Variants in CEP43 observed in about 807,000 individuals in gnomAD.
CEP43 encodes the protein FGFR1 oncogene partner.
A neutral mutation model predicts 52.6 loss-of-function variants in CEP43; 36 were observed. That is an observed-to-expected ratio of 0.68 (90% CI 0.52 to 0.90). CEP43 has a LOEUF of 0.90. Among genes scored for constraint, CEP43 ranks in the 40% least tolerant of loss-of-function variants. The pLI is 0.00. For missense variants in CEP43, 506 were observed against 472.8 expected (o/e 1.07, Z -0.65); for synonymous variants, 192 against 172.4 (o/e 1.11, Z -0.89).
rs771428675 is a variant in CEP43 at position 167,047,546 on chromosome 6, T to C, written c.*7568T>C. The C allele has an allele frequency of 1.3e-5, 2 of 152,206 alleles. No individual in the cohort carries two copies. The highest frequency in any genetic ancestry group is 2.9e-5 in the Non-Finnish European group (2 of 68,040). The allele number at this position is 152,206 out of a possible 1,614,324, so 9.4% of individuals were successfully genotyped here. On this transcript the variant is annotated 3_prime_UTR_variant, in exon 13 of 13. Coordinates refer to ENST00000366847, the MANE Select transcript of CEP43 (RefSeq NM_007045.4). ...CAAGTCACTAGTACTCAGTAAATAC[T>C]ATTTTTATTAAGAAGGTAAGATTCA...
Position 167,046,950 on chromosome 6 carries a change from AG to A in CEP43, c.*6973del, listed in dbSNP as rs377489996. The A allele has an allele frequency of 7.0e-4, 107 of 152,334 alleles. 1 individual carries two copies. The highest frequency in any genetic ancestry group is 3.4e-3 in the Middle Eastern group (1 of 294). 9.4% of individuals were successfully genotyped at this position (152,334 alleles called of 1,614,324 possible). A position where few individuals can be genotyped will look rare whatever the true frequency, so the allele number is the denominator to read the frequency against. ...AGGAAACTCAATCTCTGGGGGTCAG[AG>A]TCCACTTCCTGGGGAGCCCAATCTG... is the stretch of plus-strand genomic sequence containing the variant. On this transcript the variant is annotated 3_prime_UTR_variant, in exon 13 of 13. Transcript: ENST00000366847.
Position 167,018,399 on chromosome 6 carries a change from A to AT in CEP43, c.580-4001dup, listed in dbSNP as rs34828604. Among the ~76,000 whole-genome samples the AT allele has an allele frequency of 4.4e-4, 66 of 150,802 alleles. No homozygotes were observed. In the South Asian group the frequency reaches 0.01, roughly 24 times the overall value. On this transcript the variant is annotated intron_variant, in intron 7 of 12. Coordinates refer to ENST00000366847, the MANE Select transcript of CEP43 (RefSeq NM_007045.4). The stretch of plus-strand genomic sequence containing the variant: ...TGCCATGGTATGTGTGTGTGTGTGT[A>AT]TTTTTTTTTGAGACGGATTCTCGCT...
intron 10 of CEP43, among the ~76,000 whole-genome samples, chr6:167,029,876 T>G (rs147900822): frequency 0.02 from 3,073 of 152,244 alleles, 47 homozygotes; most frequent in East Asian, 0.09. Context: ...AGGGAAGGGG[T>G]TGGATCTTAC....
At chr6:167,021,087 G>GA (rs943169064) in intron 7 of CEP43, among the ~76,000 whole-genome samples, 5 of 126,448 alleles carry the variant, frequency 4.0e-5, no homozygotes, top group Admixed American at 7.9e-5. Context: ...AAAAAAAAAA[G>GA]AAAAAAAAAT....
In CEP43 at chr6:167,041,663, A is replaced by AG. The variant is rs1405901110; in HGVS notation, c.*1686dup. 4 of 1,043,356 alleles carry AG rather than the reference A, an allele frequency of 3.8e-6. No individual in the cohort carries two copies. Among genetic ancestry groups the AG allele is most frequent in the South Asian group, 4.6e-5 (1 of 21,786 alleles). The allele number at this position is 1,043,356 out of a possible 1,614,324, so 64.6% of individuals were successfully genotyped here. A position where few individuals can be genotyped will look rare whatever the true frequency, so the allele number is the denominator to read the frequency against. ...TTTCAGTGAAATGATTTGAAAGCAT[A>AG]GCAGGATGTGGCTTTTTAAATTTAT... On this transcript the variant is annotated 3_prime_UTR_variant, in exon 13 of 13. Coordinates refer to ENST00000366847, the MANE Select transcript of CEP43 (RefSeq NM_007045.4).
rs550643267 is a variant in CEP43, at chr6:167,008,247, T to C, written c.439-2566T>C. Among the ~76,000 whole-genome samples, 8 of 152,252 alleles carry C rather than the reference T, an allele frequency of 5.3e-5. No individual in the cohort carries two copies. The South Asian group carries it at 1.7e-3, about 32-fold the overall frequency. ...CGTTATTCTATCCTCCACTTGGAAT[T>C]ATACTCTTTCCCCTTCCCCAGCTGT... On this transcript the variant is annotated intron_variant, in intron 5 of 12. Coordinates refer to ENST00000366847, the MANE Select transcript of CEP43 (RefSeq NM_007045.4).
chr6:167,006,972 C>G (rs1295361050), intron 5 of CEP43, among the ~76,000 whole-genome samples: 1 of 152,204 alleles, frequency 6.6e-6, no homozygotes, highest in African/African-American at 2.4e-5. Flanking sequence ...GCAAATCCCA[C>G]CTTACTCCCC....
At chr6:167,022,028 A>C (rs1364130271) in intron 7 of CEP43, among the ~76,000 whole-genome samples, 1 of 152,218 alleles carries the variant, frequency 6.6e-6, no homozygotes, top group Non-Finnish European at 1.5e-5. Context: ...ATAACTTATG[A>C]AGCAATGACA....
chr6:167,021,275 T>C (rs1780226453), intron 7 of CEP43, among the ~76,000 whole-genome samples: 1 of 152,226 alleles, frequency 6.6e-6, no homozygotes, highest in African/African-American at 2.4e-5. Context: ...CTTAATAGCA[T>C]AAATATTGAG....
At chr6:167,010,950 C>T (rs1419374308) in intron 6 of CEP43, 57 bp downstream of exon 6, 4 of 953,952 alleles carry the variant, frequency 4.2e-6, no homozygotes, top group Non-Finnish European at 4.8e-6. Flanking sequence ...GAGTGCTCTG[C>T]TTTTCTCTCT....
At position 167,024,882 on chromosome 6, in the gene CEP43, A is replaced by G. The variant is rs746247439; in HGVS notation, c.907A>G (p.Lys303Glu). ...LSSLAGAPSLKDSESKRGNTV... is the reference protein window; with the variant it reads ...LSSLAGAPSLEDSESKRGNTV... The stretch of plus-strand genomic sequence containing the variant: ...CTCCCTGGCGGGAGCCCCTTCTTTA[A>G]AAGACTCTGAGAGTAAGTGCCCAAA... Residue 303 changes from lysine to glutamate, a missense_variant, in exon 9 of 13, where the codon AAA (lysine) becomes GAA (glutamate). By Grantham distance (56) the Lys-to-Glu change is moderately conservative. Transcript: ENST00000366847. The G allele has an allele frequency of 6.3e-7, 1 of 1,599,672 alleles. No individual in the cohort carries two copies. The highest frequency in any genetic ancestry group is 8.6e-7 in the Non-Finnish European group (1 of 1,168,324).
rs762081075 is a variant in CEP43, at chr6:167,045,872, T to G, written c.*5894T>G. ...ACTAGTAGCTTTCTGAAAGGAAAAT[T>G]TTTAATGAATGAAGCATGCTTCATC... is the stretch of plus-strand genomic sequence containing the variant. On this transcript the variant is annotated 3_prime_UTR_variant, in exon 13 of 13. Transcript: ENST00000366847. 4 of 152,234 alleles carry G rather than the reference T, an allele frequency of 2.6e-5. No homozygotes were observed. The highest frequency in any genetic ancestry group is 5.9e-5 in the Non-Finnish European group (4 of 68,074). 9.4% of individuals were successfully genotyped at this position (152,234 alleles called of 1,614,324 possible).
At chr6:167,009,821 G>A (rs1190999808) in intron 5 of CEP43, among the ~76,000 whole-genome samples, 3 of 151,916 alleles carry the variant, frequency 2.0e-5, no homozygotes, top group Non-Finnish European at 2.9e-5. Context: ...GGGTAACAGA[G>A]TGAGACCCTG....
At position 167,049,397 on chromosome 6, in the gene CEP43, T is replaced by G. The variant is rs1166441327; in HGVS notation, c.*9419T>G. 1.3e-5 allele frequency: 2 copies of G among 152,286 alleles called. No individual in the cohort carries two copies. Among genetic ancestry groups the G allele is most frequent in the African/African-American group, 4.8e-5 (2 of 41,482 alleles). The allele number at this position is 152,286 out of a possible 1,614,324, so 9.4% of individuals were successfully genotyped here. A position where few individuals can be genotyped will look rare whatever the true frequency, so the allele number is the denominator to read the frequency against. ...CCGCCATTCCTCTCAGCTCCCTGTC[T>G]GGCAACCACTTCCTGTCTCTTCAGA... On this transcript the variant is annotated 3_prime_UTR_variant, in exon 13 of 13. Transcript: ENST00000366847.
rs894821791 is a variant in CEP43 at position 167,040,178 on chromosome 6, T to C, written c.*200T>C. ...CTATTTGAGCCCATGTGTGGAAGATTTAATATTCTTAATTTAACTGTACAT... is the reference window on the plus strand; with the variant it reads ...CTATTTGAGCCCATGTGTGGAAGATCTAATATTCTTAATTTAACTGTACAT... On this transcript the variant is annotated 3_prime_UTR_variant, in exon 13 of 13. Coordinates refer to ENST00000366847, the MANE Select transcript of CEP43 (RefSeq NM_007045.4). 1.3e-6 allele frequency: 2 copies of C among 1,530,788 alleles called. No homozygotes were observed. The highest frequency in any genetic ancestry group is 1.4e-5 in the African/African-American group (1 of 72,802). The allele number at this position is 1,530,788 out of a possible 1,614,324, so 94.8% of individuals were successfully genotyped here.
chr6:167,015,951 A>G (rs1236137215), intron 7 of CEP43, among the ~76,000 whole-genome samples: 2 of 152,150 alleles, frequency 1.3e-5, no homozygotes, highest in Admixed American at 6.5e-5. Flanking sequence ...GGGCATTTTA[A>G]AAATGAATTA....
In CEP43 at chr6:167,044,826, C is replaced by T. The variant is rs1168584868; in HGVS notation, c.*4848C>T. 3 of 152,570 alleles carry T rather than the reference C, an allele frequency of 2.0e-5. No homozygotes were observed. The highest frequency in any genetic ancestry group is 2.0e-4 in the Admixed American group (3 of 15,298). 9.5% of individuals were successfully genotyped at this position (152,570 alleles called of 1,614,324 possible). On this transcript the variant is annotated 3_prime_UTR_variant, in exon 13 of 13. Transcript: ENST00000366847. ...GCTGTGCTTGGCCACTTCTCTGCCTCTTAGTTTAACAGCAGCACTGGGCAA... is the reference window on the plus strand; with the variant it reads ...GCTGTGCTTGGCCACTTCTCTGCCTTTTAGTTTAACAGCAGCACTGGGCAA...
intron 5 of CEP43, among the ~76,000 whole-genome samples, chr6:167,009,134 G>A (rs1779921389): frequency 2.1e-5 from 1 of 46,946 alleles, no homozygotes; most frequent in Non-Finnish European, 4.2e-5. Flanking sequence ...GCTCATGCCT[G>A]TAATCCCAGC....
In CEP43 at chr6:167,043,636, G is replaced by A. The variant is rs1780747514; in HGVS notation, c.*3658G>A. ...GACCTCAGGTGATCCACCCGCCTCAGCCTCCCAAAGTGCTGGGAATACAGG... is the reference window on the plus strand; with the variant it reads ...GACCTCAGGTGATCCACCCGCCTCAACCTCCCAAAGTGCTGGGAATACAGG... On this transcript the variant is annotated 3_prime_UTR_variant, in exon 13 of 13. Transcript: ENST00000366847. The A allele has an allele frequency of 6.6e-6, 1 of 152,166 alleles. No homozygotes were observed. Among genetic ancestry groups the A allele is most frequent in the African/African-American group, 2.4e-5 (1 of 41,414 alleles). The allele number at this position is 152,166 out of a possible 1,614,324, so 9.4% of individuals were successfully genotyped here.
Sources: gnomAD v4.1 joint callset for allele counts (sites outside exome capture counted in the v4.1 genomes callset) on GRCh38, gnomAD v4.1.1 for gene constraint, MANE v1.5 for transcripts, NCBI Gene and HGNC (gene_info 2026-07-23, HGNC 2026-07-21) for gene names.